Variants in GCNT2 observed in about 807,000 individuals in gnomAD.
GCNT2 encodes glucosaminyl (N-acetyl) transferase 2 (I blood group), also known as N-acetyllactosaminide beta-1,6-N-acetylglucosaminyl-transferase.
Under a neutral mutation model 34.2 loss-of-function variants are expected in GCNT2, and 34 were observed. That is an observed-to-expected ratio of 1.00 (90% CI 0.76 to 1.32). GCNT2 has a LOEUF of 1.32. GCNT2 is among the 40% of genes most tolerant of loss of function. The probability of loss-of-function intolerance (pLI) is 0.00; values close to 1 mark genes in which losing one functional copy is unlikely to be tolerated. For synonymous variants in GCNT2, 212 were observed against 188.0 expected, an observed-to-expected ratio of 1.13 and a Z score of -1.04; for missense variants, 584 against 489.4, an observed-to-expected ratio of 1.19 and a Z score of -1.82.
chr6:10,626,139 T>C (rs146593733), intron 4 of GCNT2, among the ~76,000 whole-genome samples: 40 of 152,356 alleles, frequency 2.6e-4, no homozygotes, highest in African/African-American at 7.9e-4. Context: ...AATTTTGATA[T>C]ACACAATAAT....
At chr6:10,589,322 GGTGTGTTTGTAGTGTGTGTGTA>G (rs1271211213) in intron 3 of GCNT2, among the ~76,000 whole-genome samples, 2 of 119,866 alleles carry the variant, frequency 1.7e-5, no homozygotes, top group Non-Finnish European at 4.0e-5. Flanking sequence ...TTTGTAGTGT[GGTGTGTTTGTAGTGTGTGTGTA>G]GTGTGTGGTG....
At chr6:10,587,668 G>A (rs971928197) in intron 3 of GCNT2, among the ~76,000 whole-genome samples, 12 of 152,204 alleles carry the variant, frequency 7.9e-5, no homozygotes, top group African/African-American at 2.7e-4. Flanking sequence ...TTGGGAAAGC[G>A]TCCAAGGTAT....
chr6:10,534,139 C>T (rs1343725014), intron 3 of GCNT2, among the ~76,000 whole-genome samples: 1 of 123,148 alleles, frequency 8.1e-6, no homozygotes, highest in Non-Finnish European at 1.7e-5. Context: ...TTCCATGCTG[C>T]TCTTTTTTTT....
At chr6:10,575,135 C>G in intron 3 of GCNT2, 1 of 439,694 alleles carries the variant, frequency 2.3e-6, no homozygotes, top group Non-Finnish European at 4.3e-6. Context: ...TATAGATTCA[C>G]ATATACGTGG....
chr6:10,589,180 ATG>A (rs1159882876), intron 3 of GCNT2, among the ~76,000 whole-genome samples: 1 of 78,540 alleles, frequency 1.3e-5, no homozygotes, highest in Non-Finnish European at 2.7e-5. Flanking sequence ...TGTGTGGTGT[ATG>A]TGCGTCATGT....
At chr6:10,608,103 G>T (rs1765403113) in intron 3 of GCNT2, among the ~76,000 whole-genome samples, 1 of 140,700 alleles carries the variant, frequency 7.1e-6, no homozygotes, top group African/African-American at 2.7e-5. Context: ...TTGAGATGGA[G>T]TTTCACTCTT....
At chr6:10,587,384 C>T (rs956977271) in intron 3 of GCNT2, among the ~76,000 whole-genome samples, 1 of 152,160 alleles carries the variant, frequency 6.6e-6, no homozygotes, top group Admixed American at 6.6e-5. Context: ...GAAGCTGCTT[C>T]GGATATTCAC....
In GCNT2 at chr6:10,579,845, AAAAC is replaced by A. The variant is rs1440586606; in HGVS notation, c.926-41503_926-41500del. ...AACAAACAAAAAAAAAAAAAAAAAA[AAAAC>A]AAGTAATAAAATGGGCATGGAGCTG... is the stretch of plus-strand genomic sequence containing the variant. On this transcript the variant is annotated intron_variant, in intron 3 of 4. Transcript: ENST00000495262. 3.3e-5 allele frequency among the ~76,000 whole-genome samples: 5 copies of A among 151,568 alleles called. No homozygotes were observed. In the East Asian group the frequency reaches 9.7e-4, roughly 29 times the overall value.
intron 3 of GCNT2, among the ~76,000 whole-genome samples, chr6:10,549,438 T>C (rs996607570): frequency 2.0e-5 from 3 of 152,094 alleles, no homozygotes; most frequent in Admixed American, 1.3e-4. Flanking sequence ...GTATTGTTGG[T>C]TTTTCAAAGT....
intron 3 of GCNT2, among the ~76,000 whole-genome samples, chr6:10,583,313 C>T (rs1215079150): frequency 6.6e-6 from 1 of 152,066 alleles, no homozygotes; most frequent in Admixed American, 6.6e-5. Context: ...GAAATGGCTG[C>T]ATTGTGAATC....
intron 3 of GCNT2, among the ~76,000 whole-genome samples, chr6:10,611,435 A>G (rs1333212852): frequency 6.6e-6 from 1 of 151,940 alleles, no homozygotes; most frequent in Non-Finnish European, 1.5e-5. Context: ...GATTCAAGCA[A>G]TTCTCCTGCC....
chr6:10,621,726 T>C (rs1276889544), intron 4 of GCNT2: 3 of 389,994 alleles, frequency 7.7e-6, no homozygotes, highest in South Asian at 4.2e-5. Flanking sequence ...TTTCTTTCTT[T>C]AGAGACAGGG....
intron 3 of GCNT2, among the ~76,000 whole-genome samples, chr6:10,539,212 A>G (rs1761925597): frequency 5.0e-5 from 2 of 39,628 alleles, no homozygotes; most frequent in African/African-American, 6.9e-5. Context: ...TTTTTGAGGC[A>G]GAGTTTCACC....
intron 3 of GCNT2, among the ~76,000 whole-genome samples, chr6:10,618,217 C>T (rs73434972): frequency 0.012 from 1,899 of 152,290 alleles, 47 homozygotes; most frequent in African/African-American, 0.043. Context: ...CCTTCTTTCC[C>T]CTTCTGCTTT....
intron 3 of GCNT2, among the ~76,000 whole-genome samples, chr6:10,594,645 C>A (rs1202324329): frequency 6.6e-6 from 1 of 152,058 alleles, no homozygotes; most frequent in Non-Finnish European, 1.5e-5. Flanking sequence ...TTAATGTGAA[C>A]ATTTATTAAG....
chr6:10,625,164 A>G (rs967090572), intron 4 of GCNT2, among the ~76,000 whole-genome samples: 2 of 152,166 alleles, frequency 1.3e-5, no homozygotes, highest in Admixed American at 6.6e-5. Flanking sequence ...TGTCTTCAAC[A>G]TCCTCCCTTT....
At chr6:10,617,742 C>T (rs1765845568) in intron 3 of GCNT2, among the ~76,000 whole-genome samples, 1 of 122,476 alleles carries the variant, frequency 8.2e-6, no homozygotes, top group Non-Finnish European at 1.5e-5. Flanking sequence ...CCAGAGTCTG[C>T]ATTTCTTCTT....
At chr6:10,576,676 A>G (rs996930506) in intron 3 of GCNT2, among the ~76,000 whole-genome samples, 2 of 143,504 alleles carry the variant, frequency 1.4e-5, no homozygotes, top group African/African-American at 5.9e-5. Flanking sequence ...AGAGACAGAA[A>G]GAGATTTGGG....
At position 10,529,589 on chromosome 6, in the gene GCNT2, TGGAC is replaced by T. The variant is rs1218669605; in HGVS notation, c.683_686del (p.Arg228LeufsTer9). On this transcript the variant is annotated frameshift_variant, in exon 3 of 5. Transcript: ENST00000495262. LOFTEE classifies it high-confidence loss of function. ...GAGTGCTGCCTCCTGACCACGCTGT[TGGAC>T]GGACTAAATACGTCCACCAAGAACT... 7.4e-6 allele frequency: 12 copies of T among 1,614,064 alleles called. No homozygotes were observed. The highest frequency in any genetic ancestry group is 1.7e-6 in the Non-Finnish European group (2 of 1,180,012).
Sources: allele counts gnomAD v4.1 joint callset (sites outside exome capture counted in the v4.1 genomes callset), GRCh38; gene constraint gnomAD v4.1.1; transcripts MANE v1.5; gene names NCBI Gene and HGNC (gene_info 2026-07-23, HGNC 2026-07-21).